IRAG2: variants seen among roughly 807,000 people sequenced by gnomAD.
IRAG2 encodes the protein lymphoid restricted membrane protein.
In IRAG2, 45 loss-of-function variants were observed where a neutral mutation model predicts 69.9. The observed-to-expected ratio is 0.64, with a 90% CI of 0.51 to 0.83. IRAG2 has a LOEUF of 0.83. IRAG2 is among the 40% of genes least tolerant of loss of function. IRAG2 has a pLI of 0.00. For missense variants in IRAG2, 520 were observed against 587.0 expected (o/e 0.89, Z 1.18); for synonymous variants, 193 against 202.4 (o/e 0.95, Z 0.40).
At chr12:25,104,192 T>G in intron 19 of IRAG2, 134 bp downstream of exon 19, 1 of 878,308 alleles carries the variant, frequency 1.1e-6, no homozygotes. Context: ...TTATATAAAT[T>G]GGTATCTAAT....
At position 25,013,866 on chromosome 12, in the gene IRAG2, C is replaced by CTTTTTTTTTTTTTTTTTTTTTTTT. The variant is rs71063386; in HGVS notation, c.897-1313_897-1290dup. 6.3e-5 allele frequency among the ~76,000 whole-genome samples: 5 copies of CTTTTTTTTTTTTTTTTTTTTTTTT among 79,530 alleles called. 1 individual carries two copies. Among genetic ancestry groups the CTTTTTTTTTTTTTTTTTTTTTTTT allele is most frequent in the Admixed American group, 1.9e-4 (1 of 5,396 alleles). The allele number at this position is 79,530 out of a possible 152,430, so 52.2% of individuals were successfully genotyped here. A position where few individuals can be genotyped will look rare whatever the true frequency, so the allele number is the denominator to read the frequency against. On this transcript the variant is annotated intron_variant, in intron 3 of 38. Coordinates refer to the IRAG2 transcript ENST00000636465. Reference sequence around the variant, plus strand: ...GGTTTTAATTTTTTGTTTTCTTTTTCTTTTTTTTTTTTTTTTTTTTTTTTT... The same window carrying CTTTTTTTTTTTTTTTTTTTTTTTT: ...GGTTTTAATTTTTTGTTTTCTTTTTCTTTTTTTTTTTTTTTTTTTTTTTTTTTTTTTTTTTTTTTTTTTTTTTTT...
chr12:25,055,565 G>T (rs1033983880), intron 1 of IRAG2, among the ~76,000 whole-genome samples: 6 of 152,046 alleles, frequency 3.9e-5, no homozygotes, highest in Non-Finnish European at 7.4e-5. Flanking sequence ...CCATTAACTC[G>T]TCATTTACAT....
Position 25,066,491 on chromosome 12 carries a change from T to C in IRAG2, c.-80T>C, listed in dbSNP as rs1027789193. 4.7e-5 allele frequency: 19 copies of C among 401,236 alleles called. No homozygotes were observed. Among genetic ancestry groups the C allele is most frequent in the Non-Finnish European group, 7.1e-5 (16 of 226,260 alleles). The allele number at this position is 401,236 out of a possible 1,614,324, so 24.9% of individuals were successfully genotyped here. ...TATGGAGAAGTAAAGGATGGTGCTT[T>C]GGATGTAAAAAGACAACACAAGTAG... On this transcript the variant is annotated 5_prime_UTR_variant, in exon 5 of 22. Transcript: ENST00000556887.
At chr12:25,077,973 G>T (rs1409643858) in intron 6 of IRAG2, among the ~76,000 whole-genome samples, 2 of 152,122 alleles carry the variant, frequency 1.3e-5, no homozygotes, top group African/African-American at 4.8e-5. Flanking sequence ...CAATAATTGG[G>T]AAGTCTTTTC....
chr12:25,013,880 T>TTTTG (rs1250027328), intron 3 of IRAG2, among the ~76,000 whole-genome samples: 1 of 128,942 alleles, frequency 7.8e-6, no homozygotes, highest in African/African-American at 2.8e-5. Flanking sequence ...TTTTTTTTTT[T>TTTTG]TTTTTTTTTT....
chr12:25,068,486 A>C (rs376695070), intron 5 of IRAG2, among the ~76,000 whole-genome samples: 27 of 152,212 alleles, frequency 1.8e-4, no homozygotes, highest in East Asian at 1.7e-3. Flanking sequence ...CGATTGATTA[A>C]ATCATTGGCC....
chr12:25,099,383 CCTTT>C (rs548888574), intron 15 of IRAG2, among the ~76,000 whole-genome samples: 10 of 152,174 alleles, frequency 6.6e-5, no homozygotes, highest in Non-Finnish European at 1.5e-4. Flanking sequence ...ATTCTCAACA[CCTTT>C]CTCTCTCACT....
At chr12:25,066,139 T>A (rs1945968439) in intron 4 of IRAG2, among the ~76,000 whole-genome samples, 1 of 151,748 alleles carries the variant, frequency 6.6e-6, no homozygotes, top group Non-Finnish European at 1.5e-5. Context: ...ACTAAAATTA[T>A]TTTATATATA....
rs1040753843 is a variant in IRAG2 at position 25,068,308 on chromosome 12, A to G, written c.-58-1042A>G. Among the ~76,000 whole-genome samples the G allele has an allele frequency of 2.0e-5, 3 of 152,206 alleles. No homozygotes were observed. In the East Asian group the frequency reaches 5.8e-4, roughly 29 times the overall value. ...TTAAAGGATACAAATGAACAGCCAG[A>G]TGAAGAGATACATCGGAAAGGTTTG... On this transcript the variant is annotated intron_variant, in intron 5 of 21. Coordinates refer to ENST00000556887, the MANE Select transcript of IRAG2 (RefSeq NM_001366544.2).
At position 25,023,909 on chromosome 12, in the gene IRAG2, T is replaced by C. The variant is rs533461966; in HGVS notation, c.1371T>C (p.Ile457=). 1.2e-4 allele frequency: 142 copies of C among 1,228,170 alleles called. No homozygotes were observed. The African/African-American group carries it at 2.0e-3, about 17-fold the overall frequency. 76.1% of individuals were successfully genotyped at this position (1,228,170 alleles called of 1,614,324 possible). Residue 457 remains isoleucine (I), a synonymous_variant, in exon 8 of 39, where the codon ATT becomes ATC. Coordinates refer to the IRAG2 transcript ENST00000636465. ...GGGCTCTGATTCTTAAGATTCGGAT[T>C]CTACAGGAAGAGGTATGTCAGAATC...
At chr12:25,050,802 A>T (rs919105096), upstream of IRAG2, among the ~76,000 whole-genome samples, 1 of 152,224 alleles carries the variant, frequency 6.6e-6, no homozygotes, top group Non-Finnish European at 1.5e-5. Flanking sequence ...ACCTTTAAAA[A>T]GAAGGAAATT....
Position 25,021,113 on chromosome 12 carries a change from C to CT in IRAG2, c.1332+215dup, listed in dbSNP as rs1314236105. ...TTTCTTTTTTTTTTTTTCTTTTTTT[C>CT]TTTTTTTTTGAGACAGGATCTTGCT... On this transcript the variant is annotated intron_variant, in intron 7 of 38. Transcript: ENST00000636465. The CT allele has an allele frequency of 3.6e-3, 851 of 237,844 alleles. 11 individuals are homozygous for CT. Among genetic ancestry groups the CT allele is most frequent in the Middle Eastern group, 4.4e-3 (4 of 916 alleles). 14.7% of individuals were successfully genotyped at this position (237,844 alleles called of 1,614,324 possible). A position where few individuals can be genotyped will look rare whatever the true frequency, so the allele number is the denominator to read the frequency against.
intron 1 of IRAG2, among the ~76,000 whole-genome samples, chr12:25,060,818 AC>A (rs1390951016): frequency 2.6e-4 from 38 of 147,584 alleles, no homozygotes; most frequent in Admixed American, 2.6e-3. Context: ...GCGCCACCAC[AC>A]CCAGCTAATT....
rs774032176 is a variant in IRAG2, at chr12:25,088,085, A to C, written c.316-15A>C. ...TTTCCACTCTATGTACAGTGGTAAA[A>C]TCTTATGATTTTAGGAAGCCAAAGA... On this transcript the variant is annotated splice_polypyrimidine_tract_variant and intron_variant, in intron 10 of 21. Transcript: ENST00000556887. 61 of 1,593,254 alleles carry C rather than the reference A, an allele frequency of 3.8e-5. No individual in the cohort carries two copies. Among genetic ancestry groups the C allele is most frequent in the Non-Finnish European group, 4.9e-5 (57 of 1,161,112 alleles).
intron 4 of IRAG2, 108 bp downstream of exon 4, chr12:25,063,924 C>T (rs1031404565): frequency 2.0e-5 from 8 of 396,210 alleles, no homozygotes; most frequent in Non-Finnish European, 3.1e-5. Context: ...TTGTTGAATA[C>T]GTGTATATTT....
At chr12:25,095,939 G>T (rs908819949) in intron 14 of IRAG2, among the ~76,000 whole-genome samples, 3 of 152,170 alleles carry the variant, frequency 2.0e-5, no homozygotes, top group African/African-American at 7.2e-5. Context: ...ACCACTGTAA[G>T]AAACTGCATG....
chr12:25,009,462 G>C (rs1284290566), intron 2 of IRAG2, among the ~76,000 whole-genome samples: 4 of 152,228 alleles, frequency 2.6e-5, no homozygotes, highest in Non-Finnish European at 5.9e-5. Context: ...ATTTAAGAAA[G>C]TAATTCTCTG....
chr12:25,011,577 G>C (rs1944475198), intron 3 of IRAG2: 4 of 1,196,516 alleles, frequency 3.3e-6, no homozygotes, highest in Non-Finnish European at 3.1e-6. Flanking sequence ...GTGGGATGCA[G>C]TTTAAGGTTC....
At chr12:25,033,025 C>T (rs111611809) in intron 12 of IRAG2, among the ~76,000 whole-genome samples, 6,953 of 150,744 alleles carry the variant, frequency 0.046, 326 homozygotes, top group African/African-American at 0.12. Context: ...GGCGTGATCT[C>T]GGCCCGCTGC....
Sources: gnomAD v4.1 joint callset for allele counts (sites outside exome capture counted in the v4.1 genomes callset) on GRCh38, gnomAD v4.1.1 for gene constraint, MANE v1.5 for transcripts, NCBI Gene and HGNC (gene_info 2026-07-23, HGNC 2026-07-21) for gene names.